Variants in KANK1 observed in about 807,000 individuals in gnomAD.
KANK1 encodes KN motif and ankyrin repeat domain-containing protein 1.
A neutral mutation model predicts 106.2 loss-of-function variants in KANK1; 109 were observed. The ratio of observed to expected loss-of-function variants is 1.03; its 90% CI spans 0.88 to 1.20. The LOEUF (loss-of-function observed/expected upper bound fraction) is 1.20. KANK1 is among the 50% of genes most tolerant of loss of function. KANK1 has a pLI of 0.00. For synonymous variants in KANK1, 873 were observed against 652.2 expected (o/e 1.34, Z -5.16); for missense variants, 2,399 against 1,710.7 (o/e 1.40, Z -7.10).
intron 1 of KANK1, among the ~76,000 whole-genome samples, chr9:651,484 C>A (rs1426676830): frequency 6.6e-6 from 1 of 152,168 alleles, no homozygotes. Flanking sequence ...TAAGCATCTG[C>A]ATGTGTTGGG....
At chr9:591,037 T>A (rs1311492286) in intron 1 of KANK1, among the ~76,000 whole-genome samples, 1 of 151,892 alleles carries the variant, frequency 6.6e-6, no homozygotes, top group Non-Finnish European at 1.5e-5. Flanking sequence ...ACCAGTTTTA[T>A]AGACAGATGA....
intron 1 of KANK1, among the ~76,000 whole-genome samples, chr9:627,731 G>T (rs954372848): frequency 6.6e-6 from 1 of 152,196 alleles, no homozygotes; most frequent in Non-Finnish European, 1.5e-5. Flanking sequence ...GGAGAGTGCT[G>T]TGTGCTTGTT....
chr9:602,709 T>C (rs1828071371), intron 1 of KANK1, among the ~76,000 whole-genome samples: 1 of 151,940 alleles, frequency 6.6e-6, no homozygotes, highest in East Asian at 1.9e-4. Context: ...TATAATTTTA[T>C]GTGTGAAGTC....
At chr9:695,122 G>C (rs1820916272) in intron 2 of KANK1, among the ~76,000 whole-genome samples, 2 of 152,044 alleles carry the variant, frequency 1.3e-5, no homozygotes, top group Non-Finnish European at 2.9e-5. Flanking sequence ...CATAGTTCCT[G>C]TTCTTGTTTT....
At chr9:648,963 C>G (rs1378832957) in intron 1 of KANK1, among the ~76,000 whole-genome samples, 2 of 152,126 alleles carry the variant, frequency 1.3e-5, no homozygotes, top group African/African-American at 4.8e-5. Flanking sequence ...TATTAGGAGA[C>G]TCTCATTCCA....
chr9:674,582 A>G (rs1470881900), intron 1 of KANK1, among the ~76,000 whole-genome samples: 1 of 152,030 alleles, frequency 6.6e-6, no homozygotes, highest in Non-Finnish European at 1.5e-5. Context: ...ATTTACTTAT[A>G]TTTCTGACCC....
chr9:655,809 TA>T (rs1357914482), intron 1 of KANK1, among the ~76,000 whole-genome samples: 1 of 152,258 alleles, frequency 6.6e-6, no homozygotes, highest in Non-Finnish European at 1.5e-5. Flanking sequence ...CCTTGATGGC[TA>T]AAACGTTTTG....
chr9:658,857 T>G (rs1318070555), intron 1 of KANK1, among the ~76,000 whole-genome samples: 1 of 152,160 alleles, frequency 6.6e-6, no homozygotes, highest in Non-Finnish European at 1.5e-5. Flanking sequence ...ACCTTCCACC[T>G]TTCCCCTAGT....
intron 1 of KANK1, among the ~76,000 whole-genome samples, chr9:517,140 C>T (rs200367916): frequency 4.8e-4 from 73 of 151,890 alleles, no homozygotes; most frequent in South Asian, 2.5e-3. Flanking sequence ...GACGGAGTCT[C>T]GCTCTGTCAC....
At position 745,265 on chromosome 9, in the gene KANK1, C is replaced by T. The variant is rs1836900076; in HGVS notation, c.*30C>T. On this transcript the variant is annotated 3_prime_UTR_variant, in exon 12 of 12. Coordinates refer to ENST00000382297, the MANE Select transcript of KANK1 (RefSeq NM_015158.5). ...ATGCAAATAGCCCTTTATTTACATG[C>T]CACTATTAAGCTGCTAATTGTTCCT... The T allele has an allele frequency of 6.2e-7, 1 of 1,613,154 alleles. No homozygotes were observed. Among genetic ancestry groups the T allele is most frequent in the South Asian group, 1.1e-5 (1 of 91,028 alleles).
At chr9:581,053 G>T (rs1271232901) in intron 1 of KANK1, among the ~76,000 whole-genome samples, 1 of 151,890 alleles carries the variant, frequency 6.6e-6, no homozygotes, top group Admixed American at 6.5e-5. Flanking sequence ...GCCGCTCCAA[G>T]TGTGGGGCCC....
At chr9:693,514 G>C (rs1036135571) in intron 2 of KANK1, 5 of 985,276 alleles carry the variant, frequency 5.1e-6, no homozygotes, top group Admixed American at 1.2e-4. Flanking sequence ...GAAGATGAGA[G>C]AGGGCTTTGC....
At chr9:633,256 A>ACCAT (rs1836224745) in intron 1 of KANK1, among the ~76,000 whole-genome samples, 1 of 152,030 alleles carries the variant, frequency 6.6e-6, no homozygotes, top group Non-Finnish European at 1.5e-5. Flanking sequence ...GGAGATCGAG[A>ACCAT]CCATCCCGGC....
chr9:492,481 G>A (rs2058394080), intron 3 of KANK1, among the ~76,000 whole-genome samples: 1 of 152,096 alleles, frequency 6.6e-6, no homozygotes, highest in African/African-American at 2.4e-5. Flanking sequence ...GTAAAATGAG[G>A]CAACTAATAA....
At chr9:735,862 G>A in intron 7 of KANK1, 1 of 290,336 alleles carries the variant, frequency 3.4e-6, no homozygotes, top group East Asian at 8.4e-5. Flanking sequence ...AGGCATGGTG[G>A]TACACCCGTG....
intron 1 of KANK1, among the ~76,000 whole-genome samples, chr9:516,623 TG>T (rs2059288354): frequency 6.6e-6 from 1 of 151,474 alleles, no homozygotes. Context: ...GACAGAAATG[TG>T]GGTGCGAAGT....
chr9:700,689 A>C (rs1333794059), intron 2 of KANK1, among the ~76,000 whole-genome samples: 1 of 152,220 alleles, frequency 6.6e-6, no homozygotes, highest in African/African-American at 2.4e-5. Context: ...TTCATGCTTC[A>C]TGTGAGAGGG....
At chr9:580,900 T>C (rs971735600) in intron 1 of KANK1, among the ~76,000 whole-genome samples, 1 of 152,132 alleles carries the variant, frequency 6.6e-6, no homozygotes, top group Non-Finnish European at 1.5e-5. Context: ...GGGCTGCAGG[T>C]CCCGAGCCTT....
At chr9:479,136 T>C (rs1355561502) in intron 3 of KANK1, among the ~76,000 whole-genome samples, 1 of 152,236 alleles carries the variant, frequency 6.6e-6, no homozygotes, top group Non-Finnish European at 1.5e-5. Flanking sequence ...CTGCAATGCA[T>C]ATCAGTCACA....
Sources: gnomAD v4.1 joint callset for allele counts (sites outside exome capture counted in the v4.1 genomes callset) on GRCh38, gnomAD v4.1.1 for gene constraint, MANE v1.5 for transcripts, NCBI Gene and HGNC (gene_info 2026-07-23, HGNC 2026-07-21) for gene names.